CSMD1: variants seen among roughly 807,000 people sequenced by gnomAD.
CSMD1 encodes the protein CUB and Sushi multiple domains 1.
Under a neutral mutation model 417.5 loss-of-function variants are expected in CSMD1, and 213 were observed. The ratio of observed to expected loss-of-function variants is 0.51; its 90% confidence interval spans 0.46 to 0.57. CSMD1 has a LOEUF of 0.57. Ranked by LOEUF, CSMD1 falls within the 20% of genes least tolerant of loss-of-function variation. The pLI is 0.00. For missense variants in CSMD1, 6,923 were observed against 4,529.7 expected (o/e 1.53, Z -15.17); for synonymous variants, 2,862 against 1,736.8 (o/e 1.65, Z -16.11).
chr8:4,306,689 C>G (rs1798266955), intron 3 of CSMD1, among the ~76,000 whole-genome samples: 1 of 152,110 alleles, frequency 6.6e-6, no homozygotes, highest in South Asian at 2.1e-4. Context: ...ACATGCTCTC[C>G]TCTTCCAAAA....
chr8:4,805,826 T>G (rs925001820), intron 1 of CSMD1, among the ~76,000 whole-genome samples: 4 of 152,090 alleles, frequency 2.6e-5, no homozygotes, highest in Non-Finnish European at 5.9e-5. Flanking sequence ...CATGGAAAAC[T>G]CGAAAGTGGA....
intron 3 of CSMD1, among the ~76,000 whole-genome samples, chr8:4,346,117 G>A (rs550453044): frequency 2.0e-5 from 3 of 152,100 alleles, no homozygotes; most frequent in Non-Finnish European, 2.9e-5. Context: ...GCATTAGAAA[G>A]GACCTGGAGG....
chr8:4,800,788 G>C (rs1253264493), intron 1 of CSMD1, among the ~76,000 whole-genome samples: 3 of 152,216 alleles, frequency 2.0e-5, no homozygotes, highest in East Asian at 1.9e-4. Context: ...CCTAGGAGGT[G>C]GGTTTCGGGA....
intron 10 of CSMD1, among the ~76,000 whole-genome samples, chr8:3,556,244 G>A (rs1799134847): frequency 6.6e-6 from 1 of 151,198 alleles, no homozygotes; most frequent in African/African-American, 2.4e-5. Flanking sequence ...TCCTTTCCAT[G>A]TTTTTTGGTA....
At chr8:4,667,842 T>G (rs890035264) in intron 1 of CSMD1, among the ~76,000 whole-genome samples, 1 of 152,100 alleles carries the variant, frequency 6.6e-6, no homozygotes, top group Non-Finnish European at 1.5e-5. Flanking sequence ...TGTAAACCTT[T>G]TATAGCTTTT....
At chr8:3,994,855 A>C (rs554988335) in intron 5 of CSMD1, among the ~76,000 whole-genome samples, 1 of 152,280 alleles carries the variant, frequency 6.6e-6, no homozygotes, top group Admixed American at 6.5e-5. Context: ...ACAATTTTCC[A>C]AGTAGCTTCT....
chr8:4,499,722 T>C (rs190823888), intron 2 of CSMD1, among the ~76,000 whole-genome samples: 1 of 152,190 alleles, frequency 6.6e-6, no homozygotes, highest in East Asian at 1.9e-4. Context: ...GTGAAGTTGA[T>C]ATGGGCATTG....
chr8:4,609,045 T>C (rs958441265), intron 2 of CSMD1, among the ~76,000 whole-genome samples: 2 of 150,078 alleles, frequency 1.3e-5, no homozygotes, highest in Non-Finnish European at 3.0e-5. Context: ...ATCTGAGGAG[T>C]TGGGCTGAAA....
chr8:3,983,159 C>G (rs1002889737), intron 5 of CSMD1, among the ~76,000 whole-genome samples: 6 of 113,010 alleles, frequency 5.3e-5, no homozygotes, highest in African/African-American at 2.2e-4. Context: ...GAGACGGACT[C>G]TCGCTCTGTC....
chr8:3,214,809 T>C (rs1797796963), intron 29 of CSMD1, 118 bp from the exon 30 acceptor site: 2 of 592,498 alleles, frequency 3.4e-6, no homozygotes, highest in Admixed American at 3.7e-5. Flanking sequence ...ATGTCCTAAA[T>C]AAGTAAGAAA....
chr8:4,485,221 T>A, intron 2 of CSMD1, among the ~76,000 whole-genome samples: 1 of 152,080 alleles, frequency 6.6e-6, no homozygotes, highest in East Asian at 1.9e-4. Flanking sequence ...GGATCCTACT[T>A]TTCATCCCTT....
chr8:4,076,263 G>A lies in CSMD1; in HGVS notation c.416-44164C>T, dbSNP rs771328687. ...GCACTTCTCTCTCCTGCCACTATGT[G>A]AAGAAGAATATGTTTGCTTCTCCCT... is the stretch of plus-strand genomic sequence containing the variant. On this transcript the variant is annotated intron_variant, in intron 3 of 69. Transcript: ENST00000635120. Among the ~76,000 whole-genome samples, 6 of 152,120 alleles carry A rather than the reference G, an allele frequency of 3.9e-5. 1 individual carries two copies. Among genetic ancestry groups the A allele is most frequent in the Admixed American group, 1.3e-4 (2 of 15,258 alleles).
intron 2 of CSMD1, among the ~76,000 whole-genome samples, chr8:4,510,603 C>T (rs1403132654): frequency 2.0e-5 from 3 of 147,956 alleles, no homozygotes; most frequent in Non-Finnish European, 4.5e-5. Flanking sequence ...TTCCTTCTTG[C>T]CTTCCTTCCC....
chr8:3,698,793 T>C (rs1800696570), intron 7 of CSMD1, among the ~76,000 whole-genome samples: 1 of 152,218 alleles, frequency 6.6e-6, no homozygotes. Context: ...AAAATGTATC[T>C]GGTTATCTGG....
chr8:3,875,057 A>C (rs1276764001), intron 5 of CSMD1, among the ~76,000 whole-genome samples: 1 of 152,110 alleles, frequency 6.6e-6, no homozygotes, highest in African/African-American at 2.4e-5. Flanking sequence ...CGGCTGAAAG[A>C]GCAGAAGAGC....
intron 50 of CSMD1, among the ~76,000 whole-genome samples, chr8:3,045,306 C>T (rs1332458910): frequency 6.6e-6 from 1 of 152,092 alleles, no homozygotes; most frequent in Non-Finnish European, 1.5e-5. Context: ...CCTGCAATAA[C>T]TTCTTTACAA....
intron 12 of CSMD1, among the ~76,000 whole-genome samples, chr8:3,462,136 C>T (rs961975183): frequency 1.4e-4 from 21 of 151,858 alleles, no homozygotes; most frequent in South Asian, 6.2e-4. Flanking sequence ...CCCCCCCCAC[C>T]TCCCAGCTGC....
intron 1 of CSMD1, among the ~76,000 whole-genome samples, chr8:4,662,137 A>C (rs1042215915): frequency 3.3e-5 from 5 of 152,172 alleles, no homozygotes; most frequent in Non-Finnish European, 5.9e-5. Context: ...ATTGCAGTAC[A>C]ATATATAAAT....
chr8:3,368,109 T>TA lies in CSMD1; in HGVS notation c.2900-863dup, dbSNP rs201368327. On this transcript the variant is annotated intron_variant, in intron 19 of 69. Coordinates refer to ENST00000635120, the MANE Select transcript of CSMD1 (RefSeq NM_033225.6). ...TTAACTGTGAACAGATAACTTCTAA[T>TA]AAAAATGTGTATTTTTATGATTATA... 7.5e-3 allele frequency among the ~76,000 whole-genome samples: 1,143 copies of TA among 152,312 alleles called. 13 individuals are homozygous for TA. The highest frequency in any genetic ancestry group is 0.026 in the African/African-American group (1,078 of 41,558).
Sources: allele counts gnomAD v4.1 joint callset (sites outside exome capture counted in the v4.1 genomes callset), GRCh38; gene constraint gnomAD v4.1.1; transcripts MANE v1.5; gene names NCBI Gene and HGNC (gene_info 2026-07-23, HGNC 2026-07-21).